The following NLRP2 variants were observed in gnomAD, a reference collection of about 807,000 sequenced individuals.
NLRP2 encodes the protein NLR family pyrin domain containing 2, also known as NACHT, LRR and PYD domains-containing protein 2.
Under a neutral mutation model 97.2 loss-of-function variants are expected in NLRP2, and 107 were observed. That is an observed-to-expected ratio of 1.10 (90% CI 0.94 to 1.29). The LOEUF (loss-of-function observed/expected upper bound fraction) is 1.29, where lower values mean the gene tolerates loss of function less well. NLRP2 is among the 50% of genes most tolerant of loss of function. The probability of loss-of-function intolerance (pLI) is 0.00; values close to 1 mark genes in which losing one functional copy is unlikely to be tolerated. For synonymous variants in NLRP2, 663 were observed against 551.5 expected, an observed-to-expected ratio of 1.20 and a Z score of -2.83; for missense variants, 1,495 against 1,330.3, an observed-to-expected ratio of 1.12 and a Z score of -1.93.
chr19:54,993,840 T>C (rs1654502), intron 10 of NLRP2: 112,943 of 292,364 alleles, frequency 0.39, 22,966 homozygotes, highest in Middle Eastern at 0.45. Flanking sequence ...GAGAATCCTT[T>C]TTACTTCTCC....
Position 54,970,096 on chromosome 19 carries a change from G to A in NLRP2, c.81G>A (p.Lys27=), listed in dbSNP as rs747130754. 6.2e-7 allele frequency: 1 copy of A among 1,614,100 alleles called. No homozygotes were observed. The highest frequency in any genetic ancestry group is 2.2e-5 in the East Asian group (1 of 44,874). The part of the protein sequence containing the change: ...QLSQDELSKF[K]YLITTFSLAH... ...GCCAGGATGAGTTGAGCAAGTTCAA[G>A]TATCTGATCACGACCTTCTCCCTGG... The change falls in exon 2 of 13, where the codon AAG becomes AAA. Residue 27 remains lysine, a synonymous_variant. Coordinates refer to ENST00000448584, the MANE Select transcript of NLRP2 (RefSeq NM_017852.5).
chr19:54,983,138 C>T lies in NLRP2; in HGVS notation c.1440C>T (p.Leu480=), dbSNP rs373278130. The T allele has an allele frequency of 2.5e-6, 4 of 1,613,696 alleles. No homozygotes were observed. Among genetic ancestry groups the T allele is most frequent in the South Asian group, 2.2e-5 (2 of 91,076 alleles). ...LERLGVQESD[L]RLFLDGDILR... is the part of the protein sequence containing the mutation. The stretch of plus-strand genomic sequence containing the variant: ...GGCTCGGGGTGCAGGAGTCCGACCT[C>T]CGTCTGTTCCTGGACGGAGACATCC... Residue 480 remains leucine, a synonymous_variant, in exon 6 of 13, where the codon CTC becomes CTT. Transcript: ENST00000448584.
chr19:54,980,106 C>T (rs115492240), intron 4 of NLRP2, among the ~76,000 whole-genome samples: 2,493 of 151,520 alleles, frequency 0.016, 68 homozygotes, highest in African/African-American at 0.056. Flanking sequence ...AATTTCGGTG[C>T]GACTTGGGGT....
At chr19:54,998,611 C>CTTTTTTTTTTTTTTTTTTCTTTTTTTTT (rs2072984096) in intron 12 of NLRP2, among the ~76,000 whole-genome samples, 3 of 42,198 alleles carry the variant, frequency 7.1e-5, no homozygotes, top group Non-Finnish European at 9.3e-5. Context: ...CATCTTTTTT[C>CTTTTTTTTTTTTTTTTTTCTTTTTTTTT]TTTTTTTTTT....
chr19:54,989,039 C>G lies in NLRP2; in HGVS notation c.2367-983C>G, dbSNP rs182833837. ...GTGGAGTGATCTCGGCTTACTGCAA[C>G]CTCCGCCTCCTGGGTTCAAGTGATT... On this transcript the variant is annotated intron_variant, in intron 8 of 12. Transcript: ENST00000448584. Among the ~76,000 whole-genome samples the G allele has an allele frequency of 7.1e-3, 1,079 of 152,054 alleles. 5 individuals carry two copies. Among genetic ancestry groups the G allele is most frequent in the Middle Eastern group, 0.034 (10 of 294 alleles).
chr19:54,982,236 A>G lies in NLRP2; in HGVS notation c.538A>G (p.Lys180Glu). The G allele has an allele frequency of 1.2e-6, 2 of 1,614,146 alleles. No homozygotes were observed. The highest frequency in any genetic ancestry group is 8.5e-7 in the Non-Finnish European group (1 of 1,180,034). ...EMWKSWPGDS[K>E]EVQVMAERYK... The stretch of plus-strand genomic sequence containing the variant: ...GTGGAAGAGCTGGCCTGGAGATAGC[A>G]AAGAGGTCCAGGTTATGGCTGAGAG... The change falls in exon 6 of 13, where the codon AAA becomes GAA. Residue 180 changes from lysine to glutamate, a missense_variant. By Grantham distance (56) the Lys-to-Glu change is moderately conservative. Transcript: ENST00000448584.
chr19:54,970,105 C>T lies in NLRP2; in HGVS notation c.90C>T (p.Ile30=). Residue 30 remains isoleucine, a synonymous_variant, in exon 2 of 13, where the codon ATC becomes ATT. Transcript: ENST00000448584. ...AGTTGAGCAAGTTCAAGTATCTGAT[C>T]ACGACCTTCTCCCTGGCACACGAGC... ...QDELSKFKYL[I]TTFSLAHELQ... 1 of 1,614,074 alleles carries T rather than the reference C, an allele frequency of 6.2e-7. No individual in the cohort carries two copies. Among genetic ancestry groups the T allele is most frequent in the Non-Finnish European group, 8.5e-7 (1 of 1,180,020 alleles).
rs1387388762 is a variant in NLRP2, at chr19:54,987,879, A to G, written c.2366+1564A>G. Among the ~76,000 whole-genome samples, 4 of 152,044 alleles carry G rather than the reference A, an allele frequency of 2.6e-5. No homozygotes were observed. The South Asian group carries it at 6.2e-4, about 24-fold the overall frequency. On this transcript the variant is annotated intron_variant, in intron 8 of 12. Coordinates refer to ENST00000448584, the MANE Select transcript of NLRP2 (RefSeq NM_017852.5). ...AACATGGTGAAACCCCACGTCTACTAAAAATACAAAAACATTAGCTGGGCA... is the reference window on the plus strand; with the variant it reads ...AACATGGTGAAACCCCACGTCTACTGAAAATACAAAAACATTAGCTGGGCA...
chr19:55,000,627 C>A, intron 12 of NLRP2, 133 bp from the exon 13 acceptor site: 1 of 880,586 alleles, frequency 1.1e-6, no homozygotes, highest in Non-Finnish European at 1.8e-6. Flanking sequence ...TGGAACACTC[C>A]TTTGCCACCT....
intron 12 of NLRP2, among the ~76,000 whole-genome samples, chr19:54,998,984 G>T (rs77381547): frequency 1.3e-5 from 2 of 150,640 alleles, no homozygotes; most frequent in South Asian, 2.1e-4. Flanking sequence ...CAAGGCAGAA[G>T]AATTTTTCTT....
rs768224595 is a variant in NLRP2 at position 55,000,900 on chromosome 19, T to TC, written c.*8dup. On this transcript the variant is annotated 3_prime_UTR_variant, in exon 13 of 13. Coordinates refer to ENST00000448584, the MANE Select transcript of NLRP2 (RefSeq NM_017852.5). ...TCTTCTCATGACTTCATGATCTGAA[T>TC]CCCCCCGAGTCATTCATTCTCCATG... 3.1e-6 allele frequency: 5 copies of TC among 1,613,248 alleles called. No homozygotes were observed. Among genetic ancestry groups the TC allele is most frequent in the East Asian group, 4.5e-5 (2 of 44,864 alleles).
chr19:54,994,190 G>A (rs1602428221), intron 10 of NLRP2, 79 bp from the exon 11 acceptor site: 21 of 1,471,844 alleles, frequency 1.4e-5, no homozygotes, highest in Middle Eastern at 1.9e-4. Flanking sequence ...TCTAACCCAC[G>A]GCTCAAGAGT....
chr19:54,966,760 CTGGT>C (rs1568455391), intron 1 of NLRP2, among the ~76,000 whole-genome samples: 1 of 148,832 alleles, frequency 6.7e-6, no homozygotes. Flanking sequence ...GTTGGCCAGG[CTGGT>C]CTCAGTCCGC....
intron 6 of NLRP2, among the ~76,000 whole-genome samples, chr19:54,983,975 T>C (rs1340733167): frequency 1.3e-5 from 2 of 152,100 alleles, no homozygotes; most frequent in East Asian, 1.9e-4. Flanking sequence ...CTCAGCCTCC[T>C]GAGTAGCTGG....
chr19:54,985,293 C>T (rs2071982493), intron 7 of NLRP2, 76 bp downstream of exon 7: 11 of 1,387,442 alleles, frequency 7.9e-6, no homozygotes, highest in Non-Finnish European at 1.1e-5. Context: ...GAGCAATATT[C>T]AGATTCCTGT....
Position 55,000,821 on chromosome 19 carries a change from A to T in NLRP2, c.3112A>T (p.Asn1038Tyr). 1.2e-6 allele frequency: 2 copies of T among 1,613,704 alleles called. No homozygotes were observed. Among genetic ancestry groups the T allele is most frequent in the Non-Finnish European group, 1.7e-6 (2 of 1,179,676 alleles). Reference protein sequence around the residue: ...NKLLEEIEEKNPQLIIDTEKH... With the variant: ...NKLLEEIEEKYPQLIIDTEKH... ...GCTGCTGGAAGAAATAGAAGAAAAA[A>T]ACCCACAACTGATTATTGATACTGA... The change falls in exon 13 of 13, where the codon AAC becomes TAC. Residue 1038 changes from asparagine to tyrosine, a missense_variant. By Grantham distance (143) the Asn-to-Tyr change is moderately radical (BLOSUM62 -2). Coordinates refer to ENST00000448584, the MANE Select transcript of NLRP2 (RefSeq NM_017852.5).
rs1171427304 is a variant in NLRP2, at chr19:54,990,485, T to C, written c.2538-17T>C. 1.2e-6 allele frequency: 2 copies of C among 1,613,980 alleles called. No homozygotes were observed. Among genetic ancestry groups the C allele is most frequent in the East Asian group, 2.2e-5 (1 of 44,868 alleles). On this transcript the variant is annotated splice_polypyrimidine_tract_variant and intron_variant, in intron 9 of 12. Coordinates refer to ENST00000448584, the MANE Select transcript of NLRP2 (RefSeq NM_017852.5). ...TTGGACCTGTCAACCGTGTTGCCATTTGTGATTCTTTTGTAGGTTGGAAAA... is the reference window on the plus strand; with the variant it reads ...TTGGACCTGTCAACCGTGTTGCCATCTGTGATTCTTTTGTAGGTTGGAAAA...
intron 7 of NLRP2, among the ~76,000 whole-genome samples, 171 bp from the exon 8 acceptor site, chr19:54,985,980 C>T (rs1275465800): frequency 6.6e-6 from 1 of 151,488 alleles, no homozygotes; most frequent in Non-Finnish European, 1.5e-5. Flanking sequence ...CCAGCCTGGG[C>T]AACAGAGTGA....
intron 1 of NLRP2, among the ~76,000 whole-genome samples, chr19:54,969,531 C>T (rs570899914): frequency 4.7e-5 from 7 of 149,784 alleles, no homozygotes; most frequent in Non-Finnish European, 1.0e-4. Context: ...GGTGGGTGCC[C>T]ATAATCCCAG....
Sources: gnomAD v4.1 joint callset for allele counts (sites outside exome capture counted in the v4.1 genomes callset) on GRCh38, gnomAD v4.1.1 for gene constraint, MANE v1.5 for transcripts, NCBI Gene and HGNC (gene_info 2026-07-23, HGNC 2026-07-21) for gene names.